Variants in SLC24A3 observed in about 807,000 individuals in gnomAD.
The protein encoded by SLC24A3 is solute carrier family 24 member 3.
Under a neutral mutation model 75.8 loss-of-function variants are expected in SLC24A3, and 28 were observed. That is an observed-to-expected ratio of 0.37 (90% confidence interval 0.27 to 0.51). The LOEUF (loss-of-function observed/expected upper bound fraction) is 0.51, where lower values mean the gene tolerates loss of function less well. SLC24A3 is among the 20% of genes least tolerant of loss of function. SLC24A3 has a pLI of 0.94. For missense variants in SLC24A3, 663 were observed against 847.8 expected (o/e 0.78, Z 2.71); for synonymous variants, 372 against 334.1 (o/e 1.11, Z -1.24).
At position 19,577,452 on chromosome 20, in the gene SLC24A3, A is replaced by G. The variant is rs190442735; in HGVS notation, c.349-2548A>G. Among the ~76,000 whole-genome samples, 463 of 152,328 alleles carry G rather than the reference A, an allele frequency of 3.0e-3. 2 individuals carry two copies. The highest frequency in any genetic ancestry group is 0.01 in the African/African-American group (432 of 41,566). On this transcript the variant is annotated intron_variant, in intron 3 of 16. Coordinates refer to ENST00000328041, the MANE Select transcript of SLC24A3 (RefSeq NM_020689.4). Reference sequence around the variant, plus strand: ...ATTTTTGAGATTTTTTTCCATGCCAAGCATCCCAGGCTCCTCAGAAATTAG... The same window carrying G: ...ATTTTTGAGATTTTTTTCCATGCCAGGCATCCCAGGCTCCTCAGAAATTAG...
chr20:19,316,784 C>A (rs1309481254), intron 2 of SLC24A3, among the ~76,000 whole-genome samples: 1 of 152,132 alleles, frequency 6.6e-6, no homozygotes, highest in Non-Finnish European at 1.5e-5. Context: ...AATTAACTCT[C>A]TTTGCAAAAT....
At chr20:19,247,634 T>C (rs182545150) in intron 1 of SLC24A3, among the ~76,000 whole-genome samples, 2 of 152,308 alleles carry the variant, frequency 1.3e-5, no homozygotes, top group East Asian at 3.9e-4. Flanking sequence ...ACATGTGCCT[T>C]AGGTATAAAT....
intron 1 of SLC24A3, among the ~76,000 whole-genome samples, chr20:19,221,811 C>T (rs974386013): frequency 6.6e-6 from 1 of 152,310 alleles, no homozygotes. Flanking sequence ...TCTTCAATCA[C>T]GTCACAATTA....
At chr20:19,548,492 C>A (rs934971920) in intron 3 of SLC24A3, among the ~76,000 whole-genome samples, 5 of 152,160 alleles carry the variant, frequency 3.3e-5, no homozygotes, top group African/African-American at 1.2e-4. Flanking sequence ...TGCTGTGGAA[C>A]AAATTACCAC....
chr20:19,711,331 GCA>G (rs1295424629), intron 15 of SLC24A3, among the ~76,000 whole-genome samples: 2 of 146,480 alleles, frequency 1.4e-5, no homozygotes, highest in African/African-American at 5.1e-5. Flanking sequence ...ACACATGCAT[GCA>G]CACGTGCAAA....
At chr20:19,515,868 T>TG (rs1457492588) in intron 3 of SLC24A3, among the ~76,000 whole-genome samples, 2 of 152,230 alleles carry the variant, frequency 1.3e-5, no homozygotes, top group Non-Finnish European at 2.9e-5. Flanking sequence ...ACCACCCTCT[T>TG]GGGGAGCCCT....
intron 7 of SLC24A3, among the ~76,000 whole-genome samples, chr20:19,655,784 C>A (rs1342933635): frequency 6.6e-6 from 1 of 152,184 alleles, no homozygotes; most frequent in East Asian, 1.9e-4. Context: ...GCATTGGCTT[C>A]CCTGGTTCTC....
chr20:19,292,113 G>A (rs1320663287), intron 2 of SLC24A3, among the ~76,000 whole-genome samples: 2 of 152,244 alleles, frequency 1.3e-5, no homozygotes, highest in Non-Finnish European at 2.9e-5. Flanking sequence ...GACCAGCCGC[G>A]TAATCTCTCA....
At chr20:19,265,597 G>T (rs143382425) in intron 1 of SLC24A3, 2 of 152,272 alleles carry the variant, frequency 1.3e-5, no homozygotes, top group East Asian at 3.9e-4. Context: ...GCCCAATCTG[G>T]CTCAGGCTAA....
At chr20:19,658,084 C>T (rs558092113) in intron 7 of SLC24A3, among the ~76,000 whole-genome samples, 1 of 152,144 alleles carries the variant, frequency 6.6e-6, no homozygotes, top group South Asian at 2.1e-4. Flanking sequence ...AGCTCCTTCA[C>T]CCAGAGGGCA....
intron 2 of SLC24A3, among the ~76,000 whole-genome samples, chr20:19,307,845 A>G (rs1053962798): frequency 2.0e-5 from 3 of 152,230 alleles, no homozygotes; most frequent in Non-Finnish European, 4.4e-5. Flanking sequence ...ACAGGAATAC[A>G]CATGGCAGGG....
intron 15 of SLC24A3, among the ~76,000 whole-genome samples, chr20:19,712,394 A>C (rs1329006441): frequency 1.3e-5 from 2 of 152,022 alleles, no homozygotes; most frequent in African/African-American, 4.8e-5. Flanking sequence ...ACATGCCCCA[A>C]CCCAAGCACA....
intron 2 of SLC24A3, among the ~76,000 whole-genome samples, chr20:19,301,428 A>G (rs1040467015): frequency 6.6e-6 from 1 of 152,150 alleles, no homozygotes; most frequent in Non-Finnish European, 1.5e-5. Flanking sequence ...AGAAATCGAT[A>G]GAATGCTTGG....
chr20:19,607,756 C>A (rs1307697219), intron 6 of SLC24A3, among the ~76,000 whole-genome samples: 1 of 152,242 alleles, frequency 6.6e-6, no homozygotes, highest in African/African-American at 2.4e-5. Context: ...AGTCCCCTCA[C>A]CCCTGTCTCT....
chr20:19,663,828 T>A (rs2032367274), intron 7 of SLC24A3, among the ~76,000 whole-genome samples: 1 of 152,130 alleles, frequency 6.6e-6, no homozygotes, highest in South Asian at 2.1e-4. Context: ...CCCAATCTCA[T>A]TTTTTCTTTG....
At chr20:19,538,671 A>C (rs1341897971) in intron 3 of SLC24A3, among the ~76,000 whole-genome samples, 2 of 152,212 alleles carry the variant, frequency 1.3e-5, no homozygotes, top group Non-Finnish European at 2.9e-5. Context: ...CTGCTTCTGG[A>C]GGAACATAAA....
chr20:19,235,692 C>A (rs535769687), intron 1 of SLC24A3, among the ~76,000 whole-genome samples: 2 of 152,226 alleles, frequency 1.3e-5, no homozygotes, highest in Non-Finnish European at 2.9e-5. Context: ...TTCCTCCTGA[C>A]TGTTCCAGCG....
intron 1 of SLC24A3, among the ~76,000 whole-genome samples, chr20:19,271,837 G>A (rs1223319024): frequency 6.6e-6 from 1 of 152,122 alleles, no homozygotes; most frequent in Non-Finnish European, 1.5e-5. Context: ...GGAAGGGTGG[G>A]AATGGGGTGA....
intron 2 of SLC24A3, among the ~76,000 whole-genome samples, chr20:19,282,313 C>T (rs1323004196): frequency 6.6e-6 from 1 of 152,106 alleles, no homozygotes; most frequent in African/African-American, 2.4e-5. Flanking sequence ...AAAACAAAAA[C>T]AAACAAAAAA....
Sources: allele counts gnomAD v4.1 joint callset (sites outside exome capture counted in the v4.1 genomes callset), GRCh38; gene constraint gnomAD v4.1.1; transcripts MANE v1.5; gene names NCBI Gene and HGNC (gene_info 2026-07-23, HGNC 2026-07-21).